PUDP: variants seen among roughly 807,000 people sequenced by gnomAD.
The protein encoded by PUDP is pseudouridine-5'-phosphatase.
A neutral mutation model predicts 9.4 loss-of-function variants in PUDP; 8 were observed. The ratio of observed to expected loss-of-function variants is 0.85; its 90% CI spans 0.50 to 1.53. The LOEUF (loss-of-function observed/expected upper bound fraction) is 1.53. Among genes scored for constraint, PUDP ranks in the 40% most tolerant of loss-of-function variants. PUDP has a pLI of 0.00. For missense variants in PUDP, 188 were observed against 189.7 expected, an observed-to-expected ratio of 0.99 and a Z score of 0.05; for synonymous variants, 99 against 80.7, an observed-to-expected ratio of 1.23 and a Z score of -1.22.
intron 3 of PUDP, among the ~76,000 whole-genome samples, chrX:6,833,228 T>G (rs1470971632): frequency 1.8e-5 from 2 of 112,174 alleles, no homozygotes; most frequent in African/African-American, 3.3e-5. Flanking sequence ...CACATTTATT[T>G]ACAATTATAA....
At chrX:7,077,485 G>A (rs780451846) in intron 2 of PUDP, 36 bp from the exon 3 acceptor site, 10 of 1,072,425 alleles carry the variant, frequency 9.3e-6, no homozygotes, top group East Asian at 3.0e-5. Context: ...GGTGAGGGGC[G>A]AGGCCTCCAC....
intron 3 of PUDP, among the ~76,000 whole-genome samples, chrX:6,764,338 G>C (rs1252352748): frequency 2.7e-5 from 3 of 111,900 alleles, no homozygotes; most frequent in Admixed American, 1.9e-4. Context: ...CAGAAACAAA[G>C]GCCACCCTGG....
rs187801034 is a variant in PUDP, at chrX:6,711,004, C to T, written n.129-4538G>A. ...GCTGCACTGATCACGTATGTAAATT[C>T]CGTTTTGTGGAAATGTCCCAACTGG... On this transcript the variant is annotated intron_variant and non_coding_transcript_variant, in intron 1 of 2. Transcript: ENST00000438499. 3.1e-3 allele frequency among the ~76,000 whole-genome samples: 343 copies of T among 111,267 alleles called. 1 individual carries two copies. Among genetic ancestry groups the T allele is most frequent in the Admixed American group, 7.9e-3 (82 of 10,395 alleles).
At chrX:7,112,937 A>AGCC (rs1932095803) in intron 1 of PUDP, 1 of 112,763 alleles carries the variant, frequency 8.9e-6, no homozygotes, top group Admixed American at 9.4e-5. Context: ...TGCTGGGATT[A>AGCC]CAGGTGTGAG....
chrX:7,025,618 C>T (rs1929698782), intron 1 of PUDP, among the ~76,000 whole-genome samples: 1 of 111,698 alleles, frequency 9.0e-6, no homozygotes, highest in Non-Finnish European at 1.9e-5. Context: ...TTTGAATGAC[C>T]CTCAAGCTCT....
intron 3 of PUDP, among the ~76,000 whole-genome samples, chrX:6,752,869 A>G (rs1202861496): frequency 8.9e-6 from 1 of 111,935 alleles, no homozygotes; most frequent in African/African-American, 3.2e-5. Flanking sequence ...TCTCAGGAAT[A>G]TGTGATTATC....
At chrX:6,934,709 C>T (rs1429606175) in intron 3 of PUDP, among the ~76,000 whole-genome samples, 1 of 91,783 alleles carries the variant, frequency 1.1e-5, no homozygotes, top group Non-Finnish European at 2.2e-5. Context: ...AGAGTCAAGA[C>T]CCATCAGTGT....
chrX:7,038,919 G>A (rs1179039611), intron 1 of PUDP, among the ~76,000 whole-genome samples: 4 of 111,036 alleles, frequency 3.6e-5, no homozygotes, highest in African/African-American at 9.8e-5. Context: ...TAGAGATGGG[G>A]TCTATTTCTG....
intron 3 of PUDP, among the ~76,000 whole-genome samples, chrX:6,775,051 CT>C (rs1484581539): frequency 1.8e-5 from 2 of 112,016 alleles, no homozygotes; most frequent in Non-Finnish European, 3.8e-5. Context: ...GCAACTATCA[CT>C]TTTTTCTTTA....
intron 1 of PUDP, among the ~76,000 whole-genome samples, chrX:7,014,107 A>G (rs896812379): frequency 9.1e-6 from 1 of 110,451 alleles, no homozygotes; most frequent in African/African-American, 3.3e-5. Flanking sequence ...GACCACCCCC[A>G]GTTTAACTCC....
chrX:6,820,297 A>G (rs897147628), intron 3 of PUDP, among the ~76,000 whole-genome samples: 1 of 110,814 alleles, frequency 9.0e-6, no homozygotes, highest in African/African-American at 3.3e-5. Context: ...ATTCAAGCTG[A>G]GATTTGGGTG....
At chrX:7,039,684 C>A (rs1430293991) in intron 1 of PUDP, among the ~76,000 whole-genome samples, 1 of 112,413 alleles carries the variant, frequency 8.9e-6, no homozygotes, top group Non-Finnish European at 1.9e-5. Context: ...AGAACAATTT[C>A]TTCTGTTTAA....
At chrX:6,894,269 GA>G (rs1242429960) in intron 3 of PUDP, among the ~76,000 whole-genome samples, 6 of 109,873 alleles carry the variant, frequency 5.5e-5, no homozygotes, top group Non-Finnish European at 7.6e-5. Context: ...AAAGTTGAAG[GA>G]AAAAAAAATT....
chrX:7,060,500 T>C (rs953928509), intron 3 of PUDP, among the ~76,000 whole-genome samples: 3 of 112,228 alleles, frequency 2.7e-5, no homozygotes, highest in Admixed American at 9.4e-5. Context: ...GGACCTGCCA[T>C]GTACAATTAG....
At chrX:6,957,271 A>T (rs1449376545) in intron 3 of PUDP, among the ~76,000 whole-genome samples, 1 of 111,104 alleles carries the variant, frequency 9.0e-6, no homozygotes, top group Non-Finnish European at 1.9e-5. Context: ...CCCTGATGCA[A>T]CAGGTTTAAG....
chrX:6,757,388 A>G (rs1223435838), intron 3 of PUDP, among the ~76,000 whole-genome samples: 1 of 110,832 alleles, frequency 9.0e-6, no homozygotes, highest in Non-Finnish European at 1.9e-5. Context: ...AAAACTTTGG[A>G]TGAAAAATGG....
At chrX:7,045,512 G>C (rs968172654), downstream of PUDP, among the ~76,000 whole-genome samples, 2 of 111,923 alleles carry the variant, frequency 1.8e-5, no homozygotes, top group Non-Finnish European at 3.8e-5. Context: ...TCAGATTCAA[G>C]CTCCCCAGTC....
At chrX:6,903,133 T>C (rs1171636980) in intron 3 of PUDP, among the ~76,000 whole-genome samples, 1 of 111,929 alleles carries the variant, frequency 8.9e-6, no homozygotes, top group East Asian at 2.8e-4. Flanking sequence ...TGCAGCAATG[T>C]CACATTTCTG....
chrX:6,795,993 C>A (rs1392895736), intron 3 of PUDP, among the ~76,000 whole-genome samples: 1 of 112,095 alleles, frequency 8.9e-6, no homozygotes, highest in Non-Finnish European at 1.9e-5. Context: ...GAGTTTAGAG[C>A]TTTCCAGAGC....
Sources: gnomAD v4.1 joint callset for allele counts (sites outside exome capture counted in the v4.1 genomes callset) on GRCh38, gnomAD v4.1.1 for gene constraint, MANE v1.5 for transcripts, NCBI Gene and HGNC (gene_info 2026-07-23, HGNC 2026-07-21) for gene names.